The following FHAD1 variants were observed in gnomAD, a reference collection of about 807,000 sequenced individuals.
FHAD1 encodes the protein forkhead-associated domain-containing protein 1.
In FHAD1, 146 loss-of-function variants were observed where a neutral mutation model predicts 191.3. The ratio of observed to expected loss-of-function variants is 0.76; its 90% confidence interval spans 0.67 to 0.88. The LOEUF (loss-of-function observed/expected upper bound fraction) is 0.88, where lower values mean the gene tolerates loss of function less well. Among genes scored for constraint, FHAD1 ranks in the 40% least tolerant of loss-of-function variants. The probability of loss-of-function intolerance (pLI) is 0.00; values close to 1 mark genes in which losing one functional copy is unlikely to be tolerated. For synonymous variants in FHAD1, 616 were observed against 672.3 expected (o/e 0.92, Z 1.29); for missense variants, 1,635 against 1,785.8 (o/e 0.92, Z 1.52).
At chr1:15,367,392 A>G in intron 24 of FHAD1, 71 bp from the exon 25 acceptor site, 5 of 1,497,054 alleles carry the variant, frequency 3.3e-6, no homozygotes, top group Non-Finnish European at 3.6e-6. Flanking sequence ...CGTACACAAG[A>G]GGCTGAGGCA....
At chr1:15,310,062 C>T (rs1343554569) in intron 7 of FHAD1, among the ~76,000 whole-genome samples, 1 of 152,048 alleles carries the variant, frequency 6.6e-6, no homozygotes, top group East Asian at 1.9e-4. Flanking sequence ...GTTTTTAAGG[C>T]AGAGAATGGC....
At chr1:15,392,204 A>G (rs564098047) in intron 33 of FHAD1, among the ~76,000 whole-genome samples, 1 of 152,292 alleles carries the variant, frequency 6.6e-6, no homozygotes, top group Non-Finnish European at 1.5e-5. Flanking sequence ...GCAAGAGGCA[A>G]AGGGATTGAT....
At chr1:15,388,579 G>A (rs1702934853) in intron 32 of FHAD1, among the ~76,000 whole-genome samples, 1 of 151,524 alleles carries the variant, frequency 6.6e-6, no homozygotes, top group South Asian at 2.1e-4. Context: ...AATGAAATGA[G>A]GGGGGTGAAA....
Position 15,388,175 on chromosome 1 carries a change from T to C in FHAD1, c.4269+44T>C, listed in dbSNP as rs943453899. ...TGTTGCAGACACAGAGTAGAGACAGTCTCAACTGGGGGTAAGAGCTCATGG... is the reference window on the plus strand; with the variant it reads ...TGTTGCAGACACAGAGTAGAGACAGCCTCAACTGGGGGTAAGAGCTCATGG... On this transcript the variant is annotated intron_variant, in intron 32 of 33. Transcript: ENST00000688493. The C allele has an allele frequency of 3.3e-6, 4 of 1,202,180 alleles. No homozygotes were observed. In the East Asian group the frequency reaches 1.7e-4, roughly 51 times the overall value. 74.5% of individuals were successfully genotyped at this position (1,202,180 alleles called of 1,614,324 possible). A position where few individuals can be genotyped will look rare whatever the true frequency, so the allele number is the denominator to read the frequency against.
intron 2 of FHAD1, among the ~76,000 whole-genome samples, chr1:15,267,950 A>T (rs568461146): frequency 0.012 from 1,808 of 148,094 alleles, 52 homozygotes; most frequent in African/African-American, 0.042. Flanking sequence ...GAATATAAAA[A>T]ATATATATAT....
chr1:15,323,657 C>T (rs1452463459), intron 10 of FHAD1, among the ~76,000 whole-genome samples: 1 of 152,200 alleles, frequency 6.6e-6, no homozygotes, highest in Non-Finnish European at 1.5e-5. Context: ...CCTGGCTCAG[C>T]AGATGCCCAA....
rs866297593 is a variant in FHAD1, at chr1:15,324,333, G to A, written c.1366-119G>A. The A allele has an allele frequency of 1.4e-5, 11 of 777,144 alleles. No individual in the cohort carries two copies. In the Middle Eastern group the frequency reaches 6.9e-4, roughly 48 times the overall value. The allele number at this position is 777,144 out of a possible 1,614,324, so 48.1% of individuals were successfully genotyped here. The stretch of plus-strand genomic sequence containing the variant: ...CACGCCTGTGACCCCTGCCACATGG[G>A]CTGCAGCTGTGCCTACCCCTCTGGG... On this transcript the variant is annotated intron_variant, in intron 10 of 33. Coordinates refer to ENST00000688493, the MANE Select transcript of FHAD1 (RefSeq NM_001391957.1).
intron 5 of FHAD1, 63 bp downstream of exon 5, chr1:15,296,856 C>G: frequency 7.5e-7 from 1 of 1,339,510 alleles, no homozygotes; most frequent in Non-Finnish European, 1.0e-6. Context: ...AGGGACTTGC[C>G]GATGCCTGTT....
At chr1:15,265,184 C>T (rs1652868777) in intron 2 of FHAD1, among the ~76,000 whole-genome samples, 2 of 152,160 alleles carry the variant, frequency 1.3e-5, no homozygotes, top group Admixed American at 1.3e-4. Flanking sequence ...TCTTACTTCG[C>T]CTTTTGAGTC....
At position 15,327,142 on chromosome 1, in the gene FHAD1, G is replaced by A; in HGVS notation, c.1557G>A (p.Gln519=). The A allele has an allele frequency of 9.0e-6, 14 of 1,550,006 alleles. No homozygotes were observed. The highest frequency in any genetic ancestry group is 1.1e-5 in the Non-Finnish European group (13 of 1,145,710). Residue 519 remains glutamine (Q), a splice_region_variant and synonymous_variant, in exon 12 of 34, where the codon CAG becomes CAA. Coordinates refer to ENST00000688493, the MANE Select transcript of FHAD1 (RefSeq NM_001391957.1). This position sits in a 1 kb window ranked among gnomAD's most constrained non-coding sequence, Gnocchi z 5.1. ...GGGACAAGCCCGTCACCGACCAACA[G>A]GTTAGTCTGCCGTCCCTGCCACGTG... ...PFRDKPVTDQ[Q]LIEKITQVTE...
upstream of FHAD1, chr1:15,247,173 C>T (rs1204990248): frequency 1.3e-5 from 2 of 154,486 alleles, no homozygotes; most frequent in African/African-American, 4.8e-5. Context: ...CCCTCTGCCG[C>T]GCAGGCCACG....
intron 16 of FHAD1, among the ~76,000 whole-genome samples, chr1:15,342,422 G>A (rs368462901): frequency 6.6e-5 from 10 of 152,186 alleles, no homozygotes; most frequent in African/African-American, 9.7e-5. Flanking sequence ...GGCCTGAGAC[G>A]CTACATTTTC....
At chr1:15,305,032 C>T (rs936603104) in intron 6 of FHAD1, among the ~76,000 whole-genome samples, 12 of 152,188 alleles carry the variant, frequency 7.9e-5, no homozygotes, top group Non-Finnish European at 1.0e-4. Context: ...GGGATTCTTG[C>T]ACTCCTCTTA....
Position 15,329,566 on chromosome 1 carries a change from T to C in FHAD1, c.1906+25T>C. 6.5e-7 allele frequency: 1 copy of C among 1,545,368 alleles called. No homozygotes were observed. Among genetic ancestry groups the C allele is most frequent in the South Asian group, 1.2e-5 (1 of 83,928 alleles). ...GGTTACTGGGACTTTTTTTCTCACA[T>C]GGTTGCATGACTCTAAAATGTCGCG... On this transcript the variant is annotated intron_variant, in intron 14 of 33. Transcript: ENST00000688493. The surrounding 1 kb of genome is among the most constrained non-coding windows in gnomAD (Gnocchi z 5.0).
chr1:15,358,272 A>G lies in FHAD1; in HGVS notation c.2725A>G (p.Lys909Glu), dbSNP rs760520372. The G allele has an allele frequency of 2.2e-5, 33 of 1,528,776 alleles. No homozygotes were observed. The highest frequency in any genetic ancestry group is 2.8e-5 in the Non-Finnish European group (32 of 1,142,008). 94.7% of individuals were successfully genotyped at this position (1,528,776 alleles called of 1,614,324 possible). ...NETLAELETT[K>E]TKMIMVEERL... Reference sequence around the variant, plus strand: ...AACATTAGCCGAACTGGAAACTACCAAGACAAAAATGGTAAGTCGGTGCCT... The same window carrying G: ...AACATTAGCCGAACTGGAAACTACCGAGACAAAAATGGTAAGTCGGTGCCT... The change falls in exon 21 of 34, where the codon AAG becomes GAG. Residue 909 changes from lysine (K) to glutamate (E), a missense_variant. By Grantham distance (56) the Lys-to-Glu change is moderately conservative (BLOSUM62 1). Transcript: ENST00000688493.
intron 3 of FHAD1, among the ~76,000 whole-genome samples, chr1:15,286,543 G>A (rs569062663): frequency 7.9e-5 from 12 of 152,278 alleles, no homozygotes; most frequent in East Asian, 3.9e-4. Flanking sequence ...CTCTCTCCAC[G>A]TCTGGGCTGC....
At chr1:15,297,390 C>G (rs1205633276) in intron 5 of FHAD1, among the ~76,000 whole-genome samples, 1 of 152,162 alleles carries the variant, frequency 6.6e-6, no homozygotes, top group Non-Finnish European at 1.5e-5. Context: ...ACTTTTGCAC[C>G]AACCTAATAC....
intron 11 of FHAD1, 159 bp downstream of exon 11, chr1:15,324,718 A>AC (rs1261035437): frequency 1.6e-6 from 1 of 623,146 alleles, no homozygotes; most frequent in African/African-American, 1.8e-5. Context: ...GCAGCTCCCC[A>AC]CCCCCATGGA....
In FHAD1 at chr1:15,276,831, C is replaced by T. The variant is rs1222110963; in HGVS notation, c.300+4302C>T. On this transcript the variant is annotated intron_variant, in intron 3 of 33. Coordinates refer to ENST00000688493, the MANE Select transcript of FHAD1 (RefSeq NM_001391957.1). This position sits in a 1 kb window ranked among gnomAD's most constrained non-coding sequence, Gnocchi z 4.7. ...TATAGCCTAGGGCCACCACCTTGCACAACTCCAGTCACCATTCACAGTAGA... is the reference window on the plus strand; with the variant it reads ...TATAGCCTAGGGCCACCACCTTGCATAACTCCAGTCACCATTCACAGTAGA... Among the ~76,000 whole-genome samples the T allele has an allele frequency of 6.6e-6, 1 of 151,904 alleles. No individual in the cohort carries two copies. The highest frequency in any genetic ancestry group is 2.4e-5 in the African/African-American group (1 of 41,378).
Sources: allele counts gnomAD v4.1 joint callset (sites outside exome capture counted in the v4.1 genomes callset), GRCh38; gene constraint gnomAD v4.1.1; non-coding constraint Gnocchi (gnomAD v3.1); transcripts MANE v1.5; gene names NCBI Gene and HGNC (gene_info 2026-07-23, HGNC 2026-07-21).